Variants in VPS13A observed in about 807,000 individuals in gnomAD.
The protein encoded by VPS13A is intermembrane lipid transfer protein VPS13A.
Under a neutral mutation model 390.9 loss-of-function variants are expected in VPS13A, and 264 were observed. The observed-to-expected ratio is 0.68, with a 90% CI of 0.61 to 0.75. The LOEUF (loss-of-function observed/expected upper bound fraction) is 0.75. Ranked by LOEUF, VPS13A falls within the 30% of genes least tolerant of loss-of-function variation. The pLI is 0.00. For synonymous variants in VPS13A, 1,231 were observed against 1,227.1 expected (o/e 1.00, Z -0.07); for missense variants, 3,409 against 3,733.9 (o/e 0.91, Z 2.27).
At position 77,246,964 on chromosome 9, in the gene VPS13A, G is replaced by A. The variant is rs115579781; in HGVS notation, c.1901-295G>A. Among the ~76,000 whole-genome samples the A allele has an allele frequency of 4.4e-3, 668 of 152,086 alleles. 3 individuals carry two copies. The highest frequency in any genetic ancestry group is 0.015 in the African/African-American group (631 of 41,508). ...GAGTTGTTGTGAGTAAATATTTTAT[G>A]CCACTGAAACTTTTTTTTTGGTCTG... On this transcript the variant is annotated intron_variant, in intron 19 of 71. Coordinates refer to ENST00000360280, the MANE Select transcript of VPS13A (RefSeq NM_033305.3).
chr9:77,181,169 A>G (rs1270908438), intron 1 of VPS13A, among the ~76,000 whole-genome samples: 2 of 152,168 alleles, frequency 1.3e-5, no homozygotes, highest in Non-Finnish European at 2.9e-5. Context: ...AGAATTTCAA[A>G]AGTAGTAATT....
chr9:77,372,974 G>T (rs1332389773), intron 67 of VPS13A, among the ~76,000 whole-genome samples: 2 of 151,874 alleles, frequency 1.3e-5, no homozygotes, highest in East Asian at 1.9e-4. Context: ...CACTGCTCAA[G>T]GAAATAAAAG....
At chr9:77,368,775 A>G (rs1052043683) in intron 62 of VPS13A, among the ~76,000 whole-genome samples, 1 of 152,254 alleles carries the variant, frequency 6.6e-6, no homozygotes, top group African/African-American at 2.4e-5. Context: ...CTAGAGCTTT[A>G]CATGAATATA....
chr9:77,384,778 A>G lies in VPS13A; in HGVS notation c.9189+2691A>G, dbSNP rs531975438. ...CCATATGTCCATTTATAGGGAGGTAAAACACATTTTCTTTTAAAATGTTTT... is the reference window on the plus strand; with the variant it reads ...CCATATGTCCATTTATAGGGAGGTAGAACACATTTTCTTTTAAAATGTTTT... On this transcript the variant is annotated intron_variant, in intron 68 of 71. Coordinates refer to ENST00000360280, the MANE Select transcript of VPS13A (RefSeq NM_033305.3). 17 of 1,514,468 alleles carry G rather than the reference A, an allele frequency of 1.1e-5. No individual in the cohort carries two copies. In the Admixed American group the frequency reaches 2.9e-4, roughly 26 times the overall value. The allele number at this position is 1,514,468 out of a possible 1,614,324, so 93.8% of individuals were successfully genotyped here.
chr9:77,229,880 C>T (rs967102207), intron 17 of VPS13A, among the ~76,000 whole-genome samples: 1 of 152,162 alleles, frequency 6.6e-6, no homozygotes, highest in African/African-American at 2.4e-5. Context: ...TTTACATTTC[C>T]ATGAACAGTA....
intron 47 of VPS13A, chr9:77,338,736 A>G (rs1372756021): frequency 6.6e-6 from 1 of 152,230 alleles, no homozygotes; most frequent in Non-Finnish European, 1.5e-5. Flanking sequence ...TATTATAATA[A>G]TAGGAAAAGA....
chr9:77,294,799 G>C (rs924652467), intron 32 of VPS13A, among the ~76,000 whole-genome samples: 1 of 152,048 alleles, frequency 6.6e-6, no homozygotes, highest in South Asian at 2.1e-4. Context: ...CAAACTCATG[G>C]GCACAAGCAA....
chr9:77,223,228 T>C lies in VPS13A; in HGVS notation c.1161+1872T>C, dbSNP rs550633505. Among the ~76,000 whole-genome samples, 26 of 152,264 alleles carry C rather than the reference T, an allele frequency of 1.7e-4. No homozygotes were observed. In the South Asian group the frequency reaches 5.4e-3, roughly 32 times the overall value. ...TCTGACTGTTCTGCTGACTGGCTGT[T>C]TTCCTGACTCCCTCTGCTTGGGCCT... is the stretch of plus-strand genomic sequence containing the variant. On this transcript the variant is annotated intron_variant, in intron 13 of 71. Coordinates refer to ENST00000360280, the MANE Select transcript of VPS13A (RefSeq NM_033305.3).
Position 77,403,219 on chromosome 9 carries a change from T to C in VPS13A, c.9190-17T>C. ...ATACTATCAATTTTCTCATTGTCTC[T>C]CACTTTTTTCTTTTAGGTCATGGAA... On this transcript the variant is annotated splice_polypyrimidine_tract_variant and intron_variant, in intron 68 of 71. Coordinates refer to ENST00000360280, the MANE Select transcript of VPS13A (RefSeq NM_033305.3). 1 of 1,584,028 alleles carries C rather than the reference T, an allele frequency of 6.3e-7. No individual in the cohort carries two copies. Among genetic ancestry groups the C allele is most frequent in the Non-Finnish European group, 8.7e-7 (1 of 1,154,612 alleles).
At chr9:77,306,401 AGT>A (rs1554885495) in intron 34 of VPS13A, among the ~76,000 whole-genome samples, 1 of 107,696 alleles carries the variant, frequency 9.3e-6, no homozygotes, top group Non-Finnish European at 2.0e-5. Flanking sequence ...AGAGAGAGAG[AGT>A]GTGTGTGTGT....
At chr9:77,406,802 A>T (rs917067520) in intron 70 of VPS13A, among the ~76,000 whole-genome samples, 1 of 151,916 alleles carries the variant, frequency 6.6e-6, no homozygotes, top group African/African-American at 2.4e-5. Flanking sequence ...CTTATAGAAC[A>T]TGTTTGACTA....
chr9:77,277,365 T>C (rs1196075711), intron 26 of VPS13A, among the ~76,000 whole-genome samples: 2 of 152,178 alleles, frequency 1.3e-5, no homozygotes, highest in African/African-American at 4.8e-5. Flanking sequence ...GCATAGCCTT[T>C]TTCATTATCA....
rs984397351 is a variant in VPS13A at position 77,177,667 on chromosome 9, G to T, written c.-38G>T. 6 of 1,584,574 alleles carry T rather than the reference G, an allele frequency of 3.8e-6. No individual in the cohort carries two copies. Among genetic ancestry groups the T allele is most frequent in the Non-Finnish European group, 4.3e-6 (5 of 1,157,020 alleles). On this transcript the variant is annotated 5_prime_UTR_variant, in exon 1 of 72. Coordinates refer to ENST00000360280, the MANE Select transcript of VPS13A (RefSeq NM_033305.3). ...TGGGGAAGGCGGCGGGAGGAGGAGC[G>T]CACGGGCCGGCTGCCGTGCCCACCA...
rs542075271 is a variant in VPS13A at position 77,335,387 on chromosome 9, C to G, written c.6096-1868C>G. ...CTAATTAAACTAAAGAGCTTCTGCA[C>G]AGCAAAAGAAACTATCATCAGAGGG... On this transcript the variant is annotated intron_variant, in intron 46 of 71. Coordinates refer to ENST00000360280, the MANE Select transcript of VPS13A (RefSeq NM_033305.3). Among the ~76,000 whole-genome samples, 8 of 152,148 alleles carry G rather than the reference C, an allele frequency of 5.3e-5. No individual in the cohort carries two copies. The South Asian group carries it at 6.2e-4, about 12-fold the overall frequency.
intron 19 of VPS13A, among the ~76,000 whole-genome samples, chr9:77,239,308 T>G (rs1015076893): frequency 6.6e-6 from 1 of 151,722 alleles, no homozygotes; most frequent in African/African-American, 2.4e-5. Context: ...AAAATCATAA[T>G]AGAGACGGGG....
chr9:77,286,901 A>C (rs980084600), intron 31 of VPS13A, among the ~76,000 whole-genome samples: 41 of 152,096 alleles, frequency 2.7e-4, no homozygotes, highest in Non-Finnish European at 7.4e-5. Context: ...TTTTGCTTAA[A>C]ATAACCACTT....
Position 77,220,055 on chromosome 9 carries a change from A to G in VPS13A, c.856A>G (p.Ile286Val). 1 of 1,610,938 alleles carries G rather than the reference A, an allele frequency of 6.2e-7. No individual in the cohort carries two copies. The highest frequency in any genetic ancestry group is 8.5e-7 in the Non-Finnish European group (1 of 1,177,524). The change falls in exon 11 of 72, where the codon ATA becomes GTA. Residue 286 changes from isoleucine (I) to valine (V), a missense_variant. Ile to Val is a conservative substitution (Grantham distance 29). This residue lies in a region of VPS13A where 2,717 missense variants were observed against 2,917.4 expected (regional missense o/e 0.93). Coordinates refer to ENST00000360280, the MANE Select transcript of VPS13A (RefSeq NM_033305.3). ...AAACTTGGAAATTGAGTTACATAACATAGCAATTGAATTTAATAAACCACA... is the reference window on the plus strand; with the variant it reads ...AAACTTGGAAATTGAGTTACATAACGTAGCAATTGAATTTAATAAACCACA... ...KINLEIELHN[I>V]AIEFNKPQYF...
chr9:77,232,377 A>C (rs1050115018), intron 17 of VPS13A, among the ~76,000 whole-genome samples: 1 of 152,204 alleles, frequency 6.6e-6, no homozygotes, highest in Non-Finnish European at 1.5e-5. Flanking sequence ...AACAATATTA[A>C]GTCTTCTGTG....
chr9:77,204,959 T>C (rs1336470877), intron 3 of VPS13A, among the ~76,000 whole-genome samples: 1 of 152,098 alleles, frequency 6.6e-6, no homozygotes. Context: ...TTAAAAAATA[T>C]AGGTTTAGAG....
Sources: gnomAD v4.1 joint callset for allele counts (sites outside exome capture counted in the v4.1 genomes callset) on GRCh38, gnomAD v4.1.1 for gene constraint, gnomAD v4.1.1 regional missense constraint, MANE v1.5 for transcripts, NCBI Gene and HGNC (gene_info 2026-07-23, HGNC 2026-07-21) for gene names.